Variants in KIF26B observed in about 807,000 individuals in gnomAD.
KIF26B encodes kinesin family member 26B.
KIF26B carries 63 observed loss-of-function variants against 151.2 expected under a neutral mutation model. That is an observed-to-expected ratio of 0.42 (90% CI 0.34 to 0.51). The LOEUF (loss-of-function observed/expected upper bound fraction) is 0.51, where lower values mean the gene tolerates loss of function less well. KIF26B is among the 20% of genes least tolerant of loss of function. The pLI, the probability that KIF26B is intolerant of heterozygous loss-of-function variation, is 0.07. For synonymous variants in KIF26B, 1,357 were observed against 1,262.1 expected (o/e 1.08, Z -1.59); for missense variants, 2,813 against 2,913.6 (o/e 0.97, Z 0.79).
At chr1:245,559,069 AG>A (rs1662105473) in intron 5 of KIF26B, among the ~76,000 whole-genome samples, 1 of 152,228 alleles carries the variant, frequency 6.6e-6, no homozygotes, top group South Asian at 2.1e-4. Flanking sequence ...AAATTTGGCC[AG>A]GCACAGTAGC....
At chr1:245,211,783 G>A (rs1392187020) in intron 2 of KIF26B, among the ~76,000 whole-genome samples, 1 of 152,210 alleles carries the variant, frequency 6.6e-6, no homozygotes, top group Non-Finnish European at 1.5e-5. Flanking sequence ...ACAAACAGGG[G>A]AAGAACTTTC....
rs1393347601 is a variant in KIF26B, at chr1:245,512,191, G to A, written c.1167-28576G>A. 6.6e-6 allele frequency among the ~76,000 whole-genome samples: 1 copy of A among 152,166 alleles called. No homozygotes were observed. The highest frequency in any genetic ancestry group is 1.9e-4 in the East Asian group (1 of 5,184). ...GGAAGTGGGATTTCTAACAATAAGA[G>A]TCGTGAGTTTTTCTGAGCTATCATT... On this transcript the variant is annotated intron_variant, in intron 4 of 14. Coordinates refer to ENST00000407071, the MANE Select transcript of KIF26B (RefSeq NM_018012.4). This position sits in a 1 kb window ranked among gnomAD's most constrained non-coding sequence, Gnocchi z 4.3.
intron 4 of KIF26B, among the ~76,000 whole-genome samples, chr1:245,432,854 A>G (rs1385328278): frequency 1.3e-5 from 2 of 152,206 alleles, no homozygotes; most frequent in African/African-American, 4.8e-5. Context: ...GACTGCCGGA[A>G]TAATTCGGTT....
At chr1:245,268,528 T>A (rs1036253831) in intron 2 of KIF26B, among the ~76,000 whole-genome samples, 4 of 145,234 alleles carry the variant, frequency 2.8e-5, no homozygotes, top group African/African-American at 1.0e-4. Flanking sequence ...AGTTTTTTTT[T>A]TAAAAATTGG....
At chr1:245,672,205 C>G (rs1482029119) in intron 10 of KIF26B, among the ~76,000 whole-genome samples, 1 of 152,120 alleles carries the variant, frequency 6.6e-6, no homozygotes, top group Non-Finnish European at 1.5e-5. Context: ...GGCGCTTCAC[C>G]AGGCCTCCTG....
intron 4 of KIF26B, among the ~76,000 whole-genome samples, chr1:245,470,010 G>A (rs1056242957): frequency 7.2e-5 from 11 of 151,946 alleles, no homozygotes; most frequent in Admixed American, 1.3e-4. Flanking sequence ...CGGGAGTCTC[G>A]GGGGAGAAAT....
Position 245,387,701 on chromosome 1 carries a change from C to T in KIF26B, c.999+20334C>T, listed in dbSNP as rs138781142. On this transcript the variant is annotated intron_variant, in intron 3 of 14. Transcript: ENST00000407071. ...AGTGAGACCCTATCTCAAAAAAACC[C>T]GCAACAAACTAAAAAAAATCCCCGA... Among the ~76,000 whole-genome samples, 216 of 152,138 alleles carry T rather than the reference C, an allele frequency of 1.4e-3. 1 individual carries two copies. The highest frequency in any genetic ancestry group is 4.6e-3 in the African/African-American group (191 of 41,510).
chr1:245,696,402 C>A (rs1051831571), intron 12 of KIF26B, among the ~76,000 whole-genome samples: 2 of 152,148 alleles, frequency 1.3e-5, no homozygotes, highest in African/African-American at 2.4e-5. Flanking sequence ...ATGAGTGCAG[C>A]CCTAGCTGAC....
In KIF26B at chr1:245,687,696, G is replaced by A. The variant is rs569587548; in HGVS notation, c.4713G>A (p.Pro1571=). 2.2e-5 allele frequency: 35 copies of A among 1,582,008 alleles called. No homozygotes were observed. The African/African-American group carries it at 3.6e-4, about 16-fold the overall frequency. Residue 1571 remains proline, a synonymous_variant, in exon 12 of 15, where the codon CCG becomes CCA. Transcript: ENST00000407071. This position sits in a 1 kb window ranked among gnomAD's most constrained non-coding sequence, Gnocchi z 4.9. The part of the protein sequence containing the change: ...TNGVGAASGT[P]PSKATLEGKV... ...GGGTGGGTGCAGCCTCGGGCACCCC[G>A]CCCTCCAAGGCTACCCTGGAGGGGA...
intron 9 of KIF26B, among the ~76,000 whole-genome samples, chr1:245,623,818 A>G (rs1165911463): frequency 6.6e-6 from 1 of 152,216 alleles, no homozygotes; most frequent in African/African-American, 2.4e-5. Context: ...AAATACTCCA[A>G]AATCTCTGGT....
At chr1:245,187,639 A>G (rs1222694344) in intron 2 of KIF26B, among the ~76,000 whole-genome samples, 2 of 152,190 alleles carry the variant, frequency 1.3e-5, no homozygotes, top group Non-Finnish European at 2.9e-5. Flanking sequence ...GTCTCAGTAC[A>G]CCCACCTGTA....
At chr1:245,523,313 A>G (rs892444110) in intron 4 of KIF26B, among the ~76,000 whole-genome samples, 1 of 152,160 alleles carries the variant, frequency 6.6e-6, no homozygotes, top group African/African-American at 2.4e-5. Flanking sequence ...CTTTTCTCCA[A>G]TCACATTTCA....
Position 245,241,348 on chromosome 1 carries a change from G to T in KIF26B, c.465+84665G>T, listed in dbSNP as rs951624753. 6.6e-6 allele frequency among the ~76,000 whole-genome samples: 1 copy of T among 152,180 alleles called. No individual in the cohort carries two copies. On this transcript the variant is annotated intron_variant, in intron 2 of 14. Coordinates refer to ENST00000407071, the MANE Select transcript of KIF26B (RefSeq NM_018012.4). This position sits in a 1 kb window ranked among gnomAD's most constrained non-coding sequence, Gnocchi z 5.0. ...ATCCTCATTTGGCCAGAGGGAGGCA[G>T]CTGGATCGGCTTCTCCAGAGCCTGC...
chr1:245,387,225 C>A (rs1451970678), intron 3 of KIF26B, among the ~76,000 whole-genome samples: 1 of 147,608 alleles, frequency 6.8e-6, no homozygotes, highest in Non-Finnish European at 1.5e-5. Context: ...AGTGCAGTGG[C>A]GTGATCTCTG....
intron 2 of KIF26B, among the ~76,000 whole-genome samples, chr1:245,158,360 G>T (rs1302710543): frequency 1.3e-5 from 2 of 152,212 alleles, no homozygotes; most frequent in Admixed American, 1.3e-4. Flanking sequence ...ATGTTTTATG[G>T]AGTCCTGTGA....
At chr1:245,382,963 T>C (rs1438930590) in intron 3 of KIF26B, among the ~76,000 whole-genome samples, 1 of 149,142 alleles carries the variant, frequency 6.7e-6, no homozygotes, top group Non-Finnish European at 1.5e-5. Context: ...TACTTACATG[T>C]ATTTATATAT....
Position 245,383,327 on chromosome 1 carries a change from A to G in KIF26B, c.999+15960A>G, listed in dbSNP as rs149783085. Among the ~76,000 whole-genome samples the G allele has an allele frequency of 1.2e-3, 182 of 152,296 alleles. 2 individuals carry two copies. In the East Asian group the frequency reaches 0.028, roughly 23 times the overall value. ...AATTTAGAAAACCGAGGCATCCCTC[A>G]CGTCTGAACACGGTATCCGTGTGTT... is the stretch of plus-strand genomic sequence containing the variant. On this transcript the variant is annotated intron_variant, in intron 3 of 14. Transcript: ENST00000407071.
At chr1:245,365,428 C>T (rs1672922190) in intron 2 of KIF26B, among the ~76,000 whole-genome samples, 1 of 152,108 alleles carries the variant, frequency 6.6e-6, no homozygotes, top group Admixed American at 6.5e-5. Context: ...GGAAAACAAA[C>T]AGCTGGAGCC....
At chr1:245,673,327 A>G (rs1440415860) in intron 10 of KIF26B, among the ~76,000 whole-genome samples, 1 of 133,532 alleles carries the variant, frequency 7.5e-6, no homozygotes, top group Non-Finnish European at 1.6e-5. Flanking sequence ...GCGCGCTGCC[A>G]TCTTAGGCCC....
Sources: allele counts gnomAD v4.1 joint callset (sites outside exome capture counted in the v4.1 genomes callset), GRCh38; gene constraint gnomAD v4.1.1; non-coding constraint Gnocchi (gnomAD v3.1); transcripts MANE v1.5; gene names NCBI Gene and HGNC (gene_info 2026-07-23, HGNC 2026-07-21).